Variants in NCOA1 observed in about 807,000 individuals in gnomAD.
The protein encoded by NCOA1 is Hin-2 protein.
Under a neutral mutation model 150.9 loss-of-function variants are expected in NCOA1, and 35 were observed. The ratio of observed to expected loss-of-function variants is 0.23; its 90% CI spans 0.18 to 0.31. The LOEUF (loss-of-function observed/expected upper bound fraction) is 0.31, where lower values mean the gene tolerates loss of function less well. Among genes scored for constraint, NCOA1 ranks in the 10% least tolerant of loss-of-function variants. The probability of loss-of-function intolerance (pLI) is 1.00; values close to 1 mark genes in which losing one functional copy is unlikely to be tolerated. For synonymous variants in NCOA1, 590 were observed against 630.0 expected, an observed-to-expected ratio of 0.94 and a Z score of 0.95; for missense variants, 1,491 against 1,749.3, an observed-to-expected ratio of 0.85 and a Z score of 2.63.
At chr2:24,667,246 T>C (rs1372599420) in intron 6 of NCOA1, among the ~76,000 whole-genome samples, 1 of 152,154 alleles carries the variant, frequency 6.6e-6, no homozygotes, top group Non-Finnish European at 1.5e-5. Flanking sequence ...GCCCCTTCCC[T>C]GCTTGGTCTC....
intron 1 of NCOA1, among the ~76,000 whole-genome samples, chr2:24,516,963 T>TAC (rs1234310453): frequency 1.1e-4 from 11 of 97,820 alleles, no homozygotes; most frequent in East Asian, 5.3e-4. Context: ...CAAGTATATA[T>TAC]ACGTATATAT....
chr2:24,715,805 AT>A (rs1180793630), intron 14 of NCOA1, among the ~76,000 whole-genome samples: 2 of 152,206 alleles, frequency 1.3e-5, no homozygotes, highest in African/African-American at 4.8e-5. Context: ...GATATCAGTT[AT>A]TCCAAAATCA....
At chr2:24,674,467 A>C (rs1361381270) in intron 7 of NCOA1, among the ~76,000 whole-genome samples, 13 of 152,056 alleles carry the variant, frequency 8.5e-5, no homozygotes, top group Non-Finnish European at 1.8e-4. Context: ...CGGCCTCCCA[A>C]AGTGCTGGGA....
At chr2:24,700,009 G>T (rs1405996004) in intron 11 of NCOA1, among the ~76,000 whole-genome samples, 2 of 152,066 alleles carry the variant, frequency 1.3e-5, no homozygotes, top group African/African-American at 4.8e-5. Context: ...CGCGCATGGT[G>T]GCGCAGTCCT....
chr2:24,759,061 T>G (rs1209161609), intron 21 of NCOA1, among the ~76,000 whole-genome samples: 1 of 150,674 alleles, frequency 6.6e-6, no homozygotes, highest in Non-Finnish European at 1.5e-5. Context: ...TTTTGAAACA[T>G]TTTCTTCATC....
At chr2:24,570,610 A>G (rs1572432217) in intron 2 of NCOA1, among the ~76,000 whole-genome samples, 1 of 152,212 alleles carries the variant, frequency 6.6e-6, no homozygotes, top group Non-Finnish European at 1.5e-5. Flanking sequence ...AGCAAAGATC[A>G]TGAATGGCTG....
intron 14 of NCOA1, among the ~76,000 whole-genome samples, chr2:24,721,301 A>G (rs1450516764): frequency 1.3e-5 from 2 of 152,174 alleles, no homozygotes; most frequent in African/African-American, 2.4e-5. Flanking sequence ...CTCATTTTCT[A>G]TACTAACTCT....
At chr2:24,734,353 A>G (rs1663180354) in intron 17 of NCOA1, among the ~76,000 whole-genome samples, 1 of 152,222 alleles carries the variant, frequency 6.6e-6, no homozygotes, top group Non-Finnish European at 1.5e-5. Context: ...TTCAATCAGT[A>G]AATTCAGTGG....
chr2:24,735,907 G>A (rs1218358504), intron 17 of NCOA1, among the ~76,000 whole-genome samples: 1 of 152,072 alleles, frequency 6.6e-6, no homozygotes, highest in South Asian at 2.1e-4. Context: ...GCAAAAATGG[G>A]TAGACCTGCT....
intron 1 of NCOA1, among the ~76,000 whole-genome samples, chr2:24,499,845 A>C (rs929936123): frequency 1.3e-4 from 20 of 152,152 alleles, no homozygotes; most frequent in African/African-American, 4.6e-4. Flanking sequence ...AGCCAACGTT[A>C]CTCGTTACAC....
intron 3 of NCOA1, among the ~76,000 whole-genome samples, chr2:24,637,726 G>T (rs1670003245): frequency 1.3e-5 from 2 of 151,884 alleles, no homozygotes; most frequent in South Asian, 4.2e-4. Context: ...ATGGAGTTTT[G>T]CTCTTCTTGC....
chr2:24,638,168 C>T (rs1050867597), intron 3 of NCOA1, among the ~76,000 whole-genome samples: 132 of 121,538 alleles, frequency 1.1e-3, no homozygotes, highest in African/African-American at 3.8e-3. Flanking sequence ...ACTTGTATTT[C>T]TATGAGATCA....
intron 5 of NCOA1, among the ~76,000 whole-genome samples, chr2:24,663,344 T>C (rs55800287): frequency 0.015 from 2,265 of 152,282 alleles, 56 homozygotes; most frequent in African/African-American, 0.052. Flanking sequence ...CTAGATGTAC[T>C]TCTATAGTAT....
chr2:24,650,396 A>G (rs1670661080), intron 4 of NCOA1, among the ~76,000 whole-genome samples: 1 of 152,234 alleles, frequency 6.6e-6, no homozygotes. Flanking sequence ...CATTGGACCT[A>G]TTAAAGAAGA....
At chr2:24,691,086 AC>A (rs1672648834) in intron 8 of NCOA1, among the ~76,000 whole-genome samples, 1 of 152,024 alleles carries the variant, frequency 6.6e-6, no homozygotes, top group South Asian at 2.1e-4. Context: ...CCAAGTTAAA[AC>A]CCCACTTACC....
In NCOA1 at chr2:24,642,037, T is replaced by TGTGTGTGTGTGTGCGC. The variant is rs942145000; in HGVS notation, c.-174-1928_-174-1927insTGTGTGTGTGTGCGCG. Among the ~76,000 whole-genome samples the TGTGTGTGTGTGTGCGC allele has an allele frequency of 4.4e-3, 607 of 138,520 alleles. 4 individuals carry two copies. The highest frequency in any genetic ancestry group is 6.2e-3 in the Non-Finnish European group (389 of 63,190). 90.9% of individuals were successfully genotyped at this position (138,520 alleles called of 152,430 possible). A position where few individuals can be genotyped will look rare whatever the true frequency, so the allele number is the denominator to read the frequency against. ...GTGTGTGTGTGTGTGTGTGTGTGTG[T>TGTGTGTGTGTGTGCGC]GCGCGCGTGCGTATGTGTGTGTGTA... is the stretch of plus-strand genomic sequence containing the variant. On this transcript the variant is annotated intron_variant, in intron 3 of 22. Coordinates refer to ENST00000348332, the MANE Select transcript of NCOA1 (RefSeq NM_003743.5).
chr2:24,649,237 AT>A (rs1670610581), intron 4 of NCOA1, among the ~76,000 whole-genome samples: 1 of 152,188 alleles, frequency 6.6e-6, no homozygotes, highest in South Asian at 2.1e-4. Flanking sequence ...CAACACTGAA[AT>A]TTTTATCACT....
At chr2:24,596,420 G>A (rs993511863) in intron 3 of NCOA1, among the ~76,000 whole-genome samples, 2 of 152,008 alleles carry the variant, frequency 1.3e-5, no homozygotes, top group African/African-American at 2.4e-5. Flanking sequence ...AGTCCTTAGC[G>A]TAGTAGTCTC....
intron 22 of NCOA1, among the ~76,000 whole-genome samples, chr2:24,764,817 G>A (rs944245448): frequency 2.6e-5 from 4 of 152,138 alleles, no homozygotes; most frequent in African/African-American, 9.7e-5. Context: ...AGATATATTG[G>A]CCAGTTGAGA....
Sources: gnomAD v4.1 joint callset for allele counts (sites outside exome capture counted in the v4.1 genomes callset) on GRCh38, gnomAD v4.1.1 for gene constraint, MANE v1.5 for transcripts, NCBI Gene and HGNC (gene_info 2026-07-23, HGNC 2026-07-21) for gene names.